Variants in ROBO1 observed in about 807,000 individuals in gnomAD.
ROBO1 encodes roundabout guidance receptor 1.
In ROBO1, 149 loss-of-function variants were observed where a neutral mutation model predicts 195.9. That is an observed-to-expected ratio of 0.76 (90% CI 0.67 to 0.87). The LOEUF is 0.87. Among genes scored for constraint, ROBO1 ranks in the 40% least tolerant of loss-of-function variants. The pLI is 0.00. For synonymous variants in ROBO1, 816 were observed against 733.2 expected, an observed-to-expected ratio of 1.11 and a Z score of -1.82; for missense variants, 1,933 against 2,068.3, an observed-to-expected ratio of 0.93 and a Z score of 1.27.
At chr3:78,911,456 T>G (rs906094556) in intron 4 of ROBO1, among the ~76,000 whole-genome samples, 1 of 152,026 alleles carries the variant, frequency 6.6e-6, no homozygotes, top group African/African-American at 2.4e-5. Flanking sequence ...ACCCCCAAAC[T>G]CTTTCATTCA....
At chr3:79,372,203 CT>C (rs113427698) in intron 2 of ROBO1, among the ~76,000 whole-genome samples, 140 of 143,146 alleles carry the variant, frequency 9.8e-4, no homozygotes, top group East Asian at 5.2e-3. Flanking sequence ...TTCTAGCATT[CT>C]TTTTTTTTTT....
At chr3:78,647,173 C>A (rs781518842) in intron 20 of ROBO1, among the ~76,000 whole-genome samples, 1 of 151,924 alleles carries the variant, frequency 6.6e-6, no homozygotes, top group Non-Finnish European at 1.5e-5. Flanking sequence ...TTAGGGAAAA[C>A]GAAAAGTTCT....
chr3:78,637,500 G>A (rs1048550416), intron 22 of ROBO1, among the ~76,000 whole-genome samples: 4 of 152,160 alleles, frequency 2.6e-5, no homozygotes, highest in Non-Finnish European at 2.9e-5. Flanking sequence ...CCAGTCACAC[G>A]TGGCCACTGA....
chr3:79,012,455 T>C (rs1437175086), intron 3 of ROBO1, among the ~76,000 whole-genome samples: 1 of 152,210 alleles, frequency 6.6e-6, no homozygotes, highest in Non-Finnish European at 1.5e-5. Flanking sequence ...ATTGCTTACC[T>C]TCTATCCACT....
chr3:79,347,283 G>A (rs191221224), intron 2 of ROBO1, among the ~76,000 whole-genome samples: 2 of 152,160 alleles, frequency 1.3e-5, no homozygotes, highest in African/African-American at 4.8e-5. Context: ...CCTCTTCAAC[G>A]TGTGTGTGTA....
At chr3:79,325,984 C>A (rs1388385628) in intron 2 of ROBO1, among the ~76,000 whole-genome samples, 2 of 152,076 alleles carry the variant, frequency 1.3e-5, no homozygotes, top group South Asian at 2.1e-4. Flanking sequence ...GGGGGTGGGT[C>A]TATAGATGGC....
rs149648309 is a variant in ROBO1, at chr3:79,330,519, T to C, written c.89-204980A>G. On this transcript the variant is annotated intron_variant, in intron 2 of 30. Transcript: ENST00000464233. ...TGAAAATTATATGAAATGAAAATTG[T>C]ATAATTGTATTACAAATTTTTATTG... 3.2e-3 allele frequency among the ~76,000 whole-genome samples: 477 copies of C among 151,370 alleles called. 3 individuals carry two copies. The highest frequency in any genetic ancestry group is 0.011 in the African/African-American group (440 of 41,420).
At chr3:78,907,147 C>A (rs534044784) in intron 4 of ROBO1, among the ~76,000 whole-genome samples, 1 of 152,046 alleles carries the variant, frequency 6.6e-6, no homozygotes, top group South Asian at 2.1e-4. Context: ...AATCTAAAAC[C>A]ACATCACTCA....
chr3:79,761,003 G>C (rs891998609), intron 1 of ROBO1, among the ~76,000 whole-genome samples: 2 of 149,562 alleles, frequency 1.3e-5, no homozygotes, highest in African/African-American at 4.9e-5. Flanking sequence ...CTATAAATGA[G>C]AGAGAAAAAC....
At chr3:78,998,703 A>G (rs1002852254) in intron 3 of ROBO1, among the ~76,000 whole-genome samples, 5 of 151,956 alleles carry the variant, frequency 3.3e-5, no homozygotes, top group African/African-American at 4.8e-5. Context: ...CTACTATCCA[A>G]AAACTGTTTA....
chr3:79,113,878 T>G (rs1315258404), intron 3 of ROBO1, among the ~76,000 whole-genome samples: 1 of 152,190 alleles, frequency 6.6e-6, no homozygotes, highest in Non-Finnish European at 1.5e-5. Context: ...TGATGATTAT[T>G]GCACACATAA....
intron 2 of ROBO1, among the ~76,000 whole-genome samples, chr3:79,431,624 C>T (rs377245829): frequency 3.4e-4 from 51 of 152,202 alleles, no homozygotes; most frequent in African/African-American, 3.4e-4. Flanking sequence ...GCAATGTAAT[C>T]AGGATTATTT....
intron 2 of ROBO1, among the ~76,000 whole-genome samples, chr3:79,553,952 GT>G (rs2107683326): frequency 6.6e-6 from 1 of 152,088 alleles, no homozygotes; most frequent in East Asian, 1.9e-4. Context: ...TCATTATAAA[GT>G]TTTTATGTGG....
chr3:79,296,386 C>A (rs2032600885), intron 2 of ROBO1, among the ~76,000 whole-genome samples: 1 of 152,004 alleles, frequency 6.6e-6, no homozygotes, highest in Admixed American at 6.6e-5. Flanking sequence ...ATATACAAAC[C>A]TTAAATAATT....
chr3:79,540,553 T>G (rs138234020), intron 2 of ROBO1, among the ~76,000 whole-genome samples: 258 of 152,242 alleles, frequency 1.7e-3, no homozygotes, highest in Non-Finnish European at 3.2e-3. Flanking sequence ...CTACCGATAA[T>G]AATCTACTCT....
chr3:78,639,824 T>A lies in ROBO1; in HGVS notation c.2957A>T (p.Asn986Ile). ...GCAGCTGATGGAGCAGTCATTGTGG[T>A]TGTTGCCAGTATTAGGCCACGTGTC... is the stretch of plus-strand genomic sequence containing the variant. Reference protein sequence around the residue: ...LADTWPNTGNNHNDCSISCCT... With the variant: ...LADTWPNTGNIHNDCSISCCT... Residue 986 changes from asparagine (N) to isoleucine (I), a missense_variant, in exon 22 of 31, where the codon AAC becomes ATC. This residue lies in a region of ROBO1 where 1,737 missense variants were observed against 1,882.5 expected (regional missense o/e 0.92). Transcript: ENST00000464233. 3.1e-6 allele frequency: 5 copies of A among 1,613,518 alleles called. No homozygotes were observed. In the East Asian group the frequency reaches 1.1e-4, roughly 36 times the overall value.
intron 4 of ROBO1, among the ~76,000 whole-genome samples, chr3:78,831,554 G>T (rs2108741864): frequency 6.6e-6 from 1 of 152,308 alleles, no homozygotes; most frequent in African/African-American, 2.4e-5. Flanking sequence ...GTACAGAGGA[G>T]ATAGCAGATT....
At chr3:78,810,191 T>A (rs2108622836) in intron 4 of ROBO1, among the ~76,000 whole-genome samples, 1 of 152,256 alleles carries the variant, frequency 6.6e-6, no homozygotes, top group South Asian at 2.1e-4. Flanking sequence ...CAAACTAGGT[T>A]TTTATGTGAA....
At chr3:79,054,880 C>G (rs1440310933) in intron 3 of ROBO1, among the ~76,000 whole-genome samples, 1 of 152,116 alleles carries the variant, frequency 6.6e-6, no homozygotes, top group African/African-American at 2.4e-5. Context: ...TGCGTTTCCA[C>G]TTCAGGCGGT....
Sources: gnomAD v4.1 joint callset for allele counts (sites outside exome capture counted in the v4.1 genomes callset) on GRCh38, gnomAD v4.1.1 for gene constraint, gnomAD v4.1.1 regional missense constraint, MANE v1.5 for transcripts, NCBI Gene and HGNC (gene_info 2026-07-23, HGNC 2026-07-21) for gene names.